PWWP3B: variants seen among roughly 807,000 people sequenced by gnomAD.
The protein encoded by PWWP3B is PWWP domain containing 3B.
In PWWP3B, 5 loss-of-function variants were observed where a neutral mutation model predicts 15.7. The observed-to-expected ratio is 0.32, with a 90% CI of 0.17 to 0.67. The LOEUF (loss-of-function observed/expected upper bound fraction) is 0.67, where lower values mean the gene tolerates loss of function less well. Ranked by LOEUF, PWWP3B falls within the 30% of genes least tolerant of loss-of-function variation. PWWP3B has a pLI of 0.74. For missense variants in PWWP3B, 519 were observed against 493.1 expected (o/e 1.05, Z -0.50); for synonymous variants, 203 against 179.8 (o/e 1.13, Z -1.03).
chrX:106,177,367 C>G (rs1921956774), intron 2 of PWWP3B: 1 of 112,234 alleles, frequency 8.9e-6, no homozygotes. Context: ...AAGGTAATGG[C>G]TGTCTTAAAG....
At chrX:106,189,815 C>T (rs1431685518) in intron 2 of PWWP3B, among the ~76,000 whole-genome samples, 7 of 109,683 alleles carry the variant, frequency 6.4e-5, no homozygotes, top group Non-Finnish European at 1.1e-4. Context: ...GACGGGGTTT[C>T]ACCGTGTTAG....
At chrX:106,205,145 A>G (rs1923919537) in intron 3 of PWWP3B, 74 bp from the exon 4 acceptor site, 1 of 229,301 alleles carries the variant, frequency 4.4e-6, no homozygotes. Flanking sequence ...TCCATTTGTA[A>G]TTGCTCACCT....
chrX:106,180,276 G>C (rs1037424312), intron 2 of PWWP3B, among the ~76,000 whole-genome samples: 5 of 111,440 alleles, frequency 4.5e-5, no homozygotes, highest in African/African-American at 1.6e-4. Flanking sequence ...TCATACACAC[G>C]TATATTCATT....
intron 3 of PWWP3B, among the ~76,000 whole-genome samples, 199 bp from the exon 4 acceptor site, chrX:106,205,020 C>T (rs774584363): frequency 1.8e-5 from 2 of 111,058 alleles, no homozygotes; most frequent in African/African-American, 6.5e-5. Flanking sequence ...GTTCTTCAAT[C>T]TGAGGTATTA....
At chrX:106,186,553 C>T (rs1922521991) in intron 2 of PWWP3B, among the ~76,000 whole-genome samples, 2 of 111,282 alleles carry the variant, frequency 1.8e-5, no homozygotes, top group African/African-American at 3.3e-5. Context: ...ATAGTCCCTT[C>T]GTGTTTGCCA....
intron 2 of PWWP3B, among the ~76,000 whole-genome samples, chrX:106,190,901 T>C (rs1241251060): frequency 1.8e-5 from 2 of 111,464 alleles, no homozygotes; most frequent in Non-Finnish European, 3.8e-5. Flanking sequence ...TCCATTGGTC[T>C]ATATCTCTGT....
intron 2 of PWWP3B, among the ~76,000 whole-genome samples, chrX:106,193,027 G>A (rs1370241249): frequency 9.0e-6 from 1 of 111,667 alleles, no homozygotes; most frequent in Non-Finnish European, 1.9e-5. Context: ...TGTTGATTTA[G>A]GGTGGAGAGT....
rs371323789 is a variant in PWWP3B, at chrX:106,207,692, C to A, written c.*169C>A. The stretch of plus-strand genomic sequence containing the variant: ...GTGGTTATAATTACATCTTTATTTC[C>A]TTTTCTTGCGCTTCTTCAAAGTTAA... On this transcript the variant is annotated 3_prime_UTR_variant, in exon 4 of 4. Transcript: ENST00000357175. 7.0e-6 allele frequency: 3 copies of A among 425,682 alleles called. No homozygotes were observed. The highest frequency in any genetic ancestry group is 1.1e-5 in the Non-Finnish European group (3 of 266,811). The allele number at this position is 425,682 out of a possible 1,213,427, so 35.1% of individuals were successfully genotyped here. A position where few individuals can be genotyped will look rare whatever the true frequency, so the allele number is the denominator to read the frequency against.
At chrX:106,197,837 A>G (rs1182297018) in intron 2 of PWWP3B, among the ~76,000 whole-genome samples, 1 of 112,007 alleles carries the variant, frequency 8.9e-6, no homozygotes, top group Non-Finnish European at 1.9e-5. Flanking sequence ...AAGGAAAGTT[A>G]TGATTTCATA....
At chrX:106,189,819 G>C (rs1339636591) in intron 2 of PWWP3B, among the ~76,000 whole-genome samples, 2 of 109,475 alleles carry the variant, frequency 1.8e-5, no homozygotes, top group Non-Finnish European at 3.8e-5. Flanking sequence ...GGGTTTCACC[G>C]TGTTAGCCAG....
intron 2 of PWWP3B, chrX:106,177,233 C>A (rs1482948199): frequency 1.8e-5 from 2 of 112,570 alleles, no homozygotes; most frequent in Admixed American, 9.4e-5. Flanking sequence ...GGGAAAGGTC[C>A]CCTTGCTATT....
At chrX:106,202,793 A>G (rs1433223421) in intron 2 of PWWP3B, among the ~76,000 whole-genome samples, 1 of 112,405 alleles carries the variant, frequency 8.9e-6, no homozygotes, top group African/African-American at 3.2e-5. Context: ...AAAAAATTAT[A>G]TAATAGAACA....
chrX:106,174,305 C>T (rs1921773765), intron 2 of PWWP3B, among the ~76,000 whole-genome samples: 1 of 110,981 alleles, frequency 9.0e-6, no homozygotes, highest in Non-Finnish European at 1.9e-5. Context: ...GTGAGGGCCT[C>T]ACCAACTTTA....
chrX:106,181,286 A>G (rs1922180135), intron 2 of PWWP3B, among the ~76,000 whole-genome samples: 1 of 111,674 alleles, frequency 9.0e-6, no homozygotes, highest in Admixed American at 9.4e-5. Context: ...GTGGGTTGCC[A>G]CTGCTGGCTG....
chrX:106,197,035 A>T (rs1923420070), intron 2 of PWWP3B, among the ~76,000 whole-genome samples: 1 of 111,794 alleles, frequency 8.9e-6, no homozygotes, highest in African/African-American at 3.3e-5. Flanking sequence ...TGCTAGGCTC[A>T]TGGTGAGGTA....
intron 2 of PWWP3B, among the ~76,000 whole-genome samples, chrX:106,192,270 G>A (rs1482909963): frequency 9.0e-6 from 1 of 111,367 alleles, no homozygotes; most frequent in African/African-American, 3.3e-5. Context: ...TTACTCTTGG[G>A]GGGATGTATG....
chrX:106,197,616 C>T (rs1477533324), intron 2 of PWWP3B, among the ~76,000 whole-genome samples: 1 of 112,427 alleles, frequency 8.9e-6, no homozygotes, highest in Admixed American at 9.4e-5. Context: ...TGAAAAAGAA[C>T]TTGGCATTAA....
At position 106,206,835 on chromosome X, in the gene PWWP3B, G is replaced by C; in HGVS notation, c.1403G>C (p.Trp468Ser). 8.3e-7 allele frequency: 1 copy of C among 1,210,154 alleles called. No individual in the cohort carries two copies. The highest frequency in any genetic ancestry group is 1.1e-6 in the Non-Finnish European group (1 of 894,125). The change falls in exon 4 of 4, where the codon TGG becomes TCG. Residue 468 changes from tryptophan to serine, a missense_variant. Coordinates refer to ENST00000357175, the MANE Select transcript of PWWP3B (RefSeq NM_001171020.2). ...GAGGATTATAGTGAGAGTATTGACT[G>C]GTGCATCTCACTAATTTGTGACTAC... ...AREDYSESID[W>S]CISLICDYRV...
At chrX:106,186,029 TTA>T (rs1922487050) in intron 2 of PWWP3B, among the ~76,000 whole-genome samples, 1 of 111,316 alleles carries the variant, frequency 9.0e-6, no homozygotes, top group Non-Finnish European at 1.9e-5. Flanking sequence ...ATACTAGAAA[TTA>T]TTCTTATAGG....
Sources: allele counts gnomAD v4.1 joint callset (sites outside exome capture counted in the v4.1 genomes callset), GRCh38; gene constraint gnomAD v4.1.1; transcripts MANE v1.5; gene names NCBI Gene and HGNC (gene_info 2026-07-23, HGNC 2026-07-21).